The following B3GALT1 variants were observed in gnomAD, a reference collection of about 807,000 sequenced individuals.
B3GALT1 encodes the protein UDP-Gal:betaGlcNAc beta 1,3-galactosyltransferase, polypeptide 1.
B3GALT1 carries 10 observed loss-of-function variants against 23.2 expected under a neutral mutation model. That is an observed-to-expected ratio of 0.43 (90% CI 0.27 to 0.73). B3GALT1 has a LOEUF of 0.73. Ranked by LOEUF, B3GALT1 falls within the 30% of genes least tolerant of loss-of-function variation. The pLI is 0.21. For missense variants in B3GALT1, 299 were observed against 405.4 expected, an observed-to-expected ratio of 0.74 and a Z score of 2.25; for synonymous variants, 156 against 141.5, an observed-to-expected ratio of 1.10 and a Z score of -0.73.
chr2:167,446,119 A>T (rs925033259), intron 1 of B3GALT1, among the ~76,000 whole-genome samples: 2 of 152,162 alleles, frequency 1.3e-5, no homozygotes, highest in African/African-American at 4.8e-5. Context: ...TCCTTCACTT[A>T]TGAAACTTAG....
At position 167,818,531 on chromosome 2, in the gene B3GALT1, G is replaced by A. The variant is rs73021231; in HGVS notation, c.-351-141G>A. On this transcript the variant is annotated intron_variant, in intron 3 of 4. Coordinates refer to ENST00000392690, the MANE Select transcript of B3GALT1 (RefSeq NM_020981.4). Reference sequence around the variant, plus strand: ...TTCATTCAGTCCACCTCTATTCAACGCCTACCCACATGCCATTCTTTGTAT... The same window carrying A: ...TTCATTCAGTCCACCTCTATTCAACACCTACCCACATGCCATTCTTTGTAT... Among the ~76,000 whole-genome samples the A allele has an allele frequency of 7.3e-3, 1,106 of 152,164 alleles. 19 individuals are homozygous for A. The highest frequency in any genetic ancestry group is 0.025 in the African/African-American group (1,044 of 41,480).
At chr2:167,301,230 G>C (rs1281774265) in intron 1 of B3GALT1, among the ~76,000 whole-genome samples, 1 of 152,158 alleles carries the variant, frequency 6.6e-6, no homozygotes, top group Non-Finnish European at 1.5e-5. Context: ...ATAGAAATCA[G>C]TCATGACTAA....
chr2:167,584,629 A>C (rs942723446), intron 2 of B3GALT1, among the ~76,000 whole-genome samples: 1 of 152,154 alleles, frequency 6.6e-6, no homozygotes, highest in Non-Finnish European at 1.5e-5. Context: ...GCAAGCCCTA[A>C]GTTGTTTTAC....
Position 167,857,457 on chromosome 2 carries a change from G to A in B3GALT1, c.-229-11354G>A, listed in dbSNP as rs141287595. On this transcript the variant is annotated intron_variant, in intron 4 of 4. Transcript: ENST00000392690. The stretch of plus-strand genomic sequence containing the variant: ...CTGGCAGGCTGAGTCTCTAGCCATA[G>A]AGGAAGTAAGAATCATGAACCAAAA... 7.2e-5 allele frequency among the ~76,000 whole-genome samples: 11 copies of A among 152,220 alleles called. No individual in the cohort carries two copies. The East Asian group carries it at 2.1e-3, about 29-fold the overall frequency.
chr2:167,372,813 A>G (rs1697706724), intron 1 of B3GALT1, among the ~76,000 whole-genome samples: 1 of 152,118 alleles, frequency 6.6e-6, no homozygotes, highest in Non-Finnish European at 1.5e-5. Flanking sequence ...GTTGCTGAAT[A>G]GAATTAAGGA....
chr2:167,819,077 G>C (rs979429746), intron 4 of B3GALT1, among the ~76,000 whole-genome samples: 16 of 151,904 alleles, frequency 1.1e-4, no homozygotes, highest in African/African-American at 3.9e-4. Context: ...GAAAGATACA[G>C]GAGAAAAAAA....
At position 167,445,114 on chromosome 2, in the gene B3GALT1, C is replaced by T. The variant is rs142858177; in HGVS notation, c.-510-45063C>T. Among the ~76,000 whole-genome samples the T allele has an allele frequency of 7.7e-4, 118 of 152,292 alleles. 1 individual carries two copies. In the East Asian group the frequency reaches 0.018, roughly 23 times the overall value. ...AATATCTTTATTTGTGCTTTCATTT[C>T]GTTATGTACCCAGTGGTCATTCAGG... On this transcript the variant is annotated intron_variant, in intron 1 of 4. Coordinates refer to ENST00000392690, the MANE Select transcript of B3GALT1 (RefSeq NM_020981.4).
intron 2 of B3GALT1, among the ~76,000 whole-genome samples, chr2:167,625,964 T>C (rs1558928812): frequency 7.9e-5 from 3 of 38,178 alleles, no homozygotes; most frequent in Admixed American, 2.7e-4. Flanking sequence ...TATATATATA[T>C]ATATATATAT....
intron 1 of B3GALT1, among the ~76,000 whole-genome samples, chr2:167,361,748 T>A (rs1183722239): frequency 6.6e-6 from 1 of 152,212 alleles, no homozygotes; most frequent in African/African-American, 2.4e-5. Context: ...ATCTCTTTTT[T>A]GTTTTTCTTT....
chr2:167,445,464 G>A (rs1698967519), intron 1 of B3GALT1, among the ~76,000 whole-genome samples: 1 of 152,156 alleles, frequency 6.6e-6, no homozygotes, highest in Non-Finnish European at 1.5e-5. Context: ...TGACAGTGGG[G>A]TGTTAAAGTC....
At chr2:167,436,364 T>C (rs1247430667) in intron 1 of B3GALT1, among the ~76,000 whole-genome samples, 2 of 152,112 alleles carry the variant, frequency 1.3e-5, no homozygotes, top group African/African-American at 2.4e-5. Flanking sequence ...CTACACTTTT[T>C]CCCAGACGTA....
At chr2:167,383,416 A>G (rs1357511698) in intron 1 of B3GALT1, among the ~76,000 whole-genome samples, 2 of 152,142 alleles carry the variant, frequency 1.3e-5, no homozygotes, top group Admixed American at 1.3e-4. Context: ...GACTGTTCCC[A>G]CTGTTTAAGA....
At chr2:167,643,661 C>T (rs924335139) in intron 2 of B3GALT1, among the ~76,000 whole-genome samples, 1 of 152,190 alleles carries the variant, frequency 6.6e-6, no homozygotes, top group Non-Finnish European at 1.5e-5. Context: ...GGAGAGGTCT[C>T]CATACACCCA....
intron 3 of B3GALT1, among the ~76,000 whole-genome samples, chr2:167,771,133 G>A (rs1216207155): frequency 6.6e-6 from 1 of 152,166 alleles, no homozygotes; most frequent in Non-Finnish European, 1.5e-5. Flanking sequence ...TGGGTTTCAT[G>A]ACTTTAAACT....
chr2:167,528,905 T>C (rs1223617307), intron 2 of B3GALT1, among the ~76,000 whole-genome samples: 1 of 152,150 alleles, frequency 6.6e-6, no homozygotes, highest in Non-Finnish European at 1.5e-5. Context: ...TGCTTCTGGC[T>C]TCTCTGCTCC....
chr2:167,748,684 G>A (rs566257537), intron 3 of B3GALT1, among the ~76,000 whole-genome samples: 3 of 152,290 alleles, frequency 2.0e-5, no homozygotes, highest in Non-Finnish European at 4.4e-5. Context: ...AGGTATTGAA[G>A]TCAAAGTATA....
chr2:167,538,703 A>G (rs1196332891), intron 2 of B3GALT1, among the ~76,000 whole-genome samples: 6 of 152,184 alleles, frequency 3.9e-5, no homozygotes, highest in African/African-American at 9.7e-5. Context: ...GAAAATAACT[A>G]TGGTTTATCT....
At chr2:167,411,054 C>T (rs1469617047) in intron 1 of B3GALT1, among the ~76,000 whole-genome samples, 2 of 151,596 alleles carry the variant, frequency 1.3e-5, no homozygotes, top group Non-Finnish European at 2.9e-5. Flanking sequence ...TGTATATAAA[C>T]CTGCTCTAAA....
intron 1 of B3GALT1, among the ~76,000 whole-genome samples, chr2:167,481,281 G>A (rs548246110): frequency 2.7e-4 from 41 of 151,984 alleles, no homozygotes; most frequent in East Asian, 1.2e-3. Flanking sequence ...AAAATACCCC[G>A]CTACAGAACA....
Sources: gnomAD v4.1 joint callset for allele counts (sites outside exome capture counted in the v4.1 genomes callset) on GRCh38, gnomAD v4.1.1 for gene constraint, MANE v1.5 for transcripts, NCBI Gene and HGNC (gene_info 2026-07-23, HGNC 2026-07-21) for gene names.